The following AGR2 variants were observed in gnomAD, a reference collection of about 807,000 sequenced individuals.
AGR2 encodes the protein anterior gradient 2, protein disulphide isomerase family member.
In AGR2, 27 loss-of-function variants were observed where a neutral mutation model predicts 25.9. That is an observed-to-expected ratio of 1.04 (90% confidence interval 0.77 to 1.44). The LOEUF (loss-of-function observed/expected upper bound fraction) is 1.44. AGR2 is among the 40% of genes most tolerant of loss of function. The pLI, the probability that AGR2 is intolerant of heterozygous loss-of-function variation, is 0.00. For synonymous variants in AGR2, 78 were observed against 72.0 expected (o/e 1.08, Z -0.42); for missense variants, 182 against 200.9 (o/e 0.91, Z 0.57).
intron 7 of AGR2, among the ~76,000 whole-genome samples, chr7:16,793,720 AG>A (rs1167842588): frequency 2.0e-5 from 3 of 152,212 alleles, no homozygotes. Flanking sequence ...AGGCAGAGAG[AG>A]GCTGAGTAGC....
chr7:16,800,296 A>G (rs1260543668), intron 4 of AGR2, among the ~76,000 whole-genome samples: 1 of 152,216 alleles, frequency 6.6e-6, no homozygotes, highest in African/African-American at 2.4e-5. Flanking sequence ...CTAACGTTGA[A>G]GTGAGGGAGT....
chr7:16,796,343 A>G (rs914089309), intron 6 of AGR2, among the ~76,000 whole-genome samples: 3 of 152,238 alleles, frequency 2.0e-5, no homozygotes, highest in Admixed American at 6.5e-5. Flanking sequence ...TTTTAATGTT[A>G]GGATTCCAAA....
rs548410197 is a variant in AGR2 at position 16,793,972 on chromosome 7, C to A, written c.478+964G>T. Among the ~76,000 whole-genome samples the A allele has an allele frequency of 5.3e-5, 8 of 152,286 alleles. No individual in the cohort carries two copies. In the East Asian group the frequency reaches 1.5e-3, roughly 29 times the overall value. On this transcript the variant is annotated intron_variant, in intron 7 of 7. Coordinates refer to ENST00000419304, the MANE Select transcript of AGR2 (RefSeq NM_006408.4). ...GTGTAGGACACGTGCCTTTTAAGAG[C>A]TTAGTCTTATTAAAATGTATGGTAT...
chr7:16,797,830 C>G, intron 5 of AGR2, 136 bp from the exon 6 acceptor site: 2 of 641,706 alleles, frequency 3.1e-6, no homozygotes, highest in Non-Finnish European at 2.7e-6. Context: ...GTTTATTGTA[C>G]AGATGAGGAG....
intron 7 of AGR2, 63 bp from the exon 8 acceptor site, chr7:16,793,020 C>G: frequency 1.4e-6 from 2 of 1,466,950 alleles, no homozygotes; most frequent in Non-Finnish European, 1.9e-6. Context: ...TATAATAAAC[C>G]CCAAACTTGG....
intron 7 of AGR2, 63 bp downstream of exon 7, chr7:16,794,873 C>T (rs1345954401): frequency 2.5e-6 from 4 of 1,609,866 alleles, no homozygotes; most frequent in Non-Finnish European, 3.4e-6. Flanking sequence ...CCTCTAGTCC[C>T]ATCACTACAG....
intron 5 of AGR2, 49 bp from the exon 6 acceptor site, chr7:16,797,743 G>T (rs375233889): frequency 1.3e-6 from 2 of 1,516,756 alleles, no homozygotes; most frequent in East Asian, 4.5e-5. Context: ...CTTTTCAGTC[G>T]TTTTCAAACT....
intron 6 of AGR2, among the ~76,000 whole-genome samples, chr7:16,795,885 A>G (rs1387724269): frequency 6.6e-6 from 1 of 152,266 alleles, no homozygotes; most frequent in Non-Finnish European, 1.5e-5. Flanking sequence ...GACTAAGGCC[A>G]GACACATAAA....
At chr7:16,796,642 A>G (rs1222160933) in intron 6 of AGR2, among the ~76,000 whole-genome samples, 2 of 152,062 alleles carry the variant, frequency 1.3e-5, no homozygotes, top group South Asian at 2.1e-4. Flanking sequence ...CGTTGGGAAT[A>G]TCATGGTGAG....
chr7:16,792,727 A>G lies in AGR2; in HGVS notation c.*181T>C. The G allele has an allele frequency of 1.6e-6, 1 of 619,088 alleles. No individual in the cohort carries two copies. 38.3% of individuals were successfully genotyped at this position (619,088 alleles called of 1,614,324 possible). ...TGGTAGTATACAATATTGTTTTCAC[A>G]CATGTACACTTGAAACCAAATTTCT... On this transcript the variant is annotated 3_prime_UTR_variant, in exon 8 of 8. Transcript: ENST00000419304.
intron 1 of AGR2, among the ~76,000 whole-genome samples, chr7:16,802,879 C>A (rs1380381768): frequency 1.3e-5 from 2 of 152,160 alleles, no homozygotes; most frequent in African/African-American, 2.4e-5. Context: ...GTTGCCCAGG[C>A]TGGAGTACAG....
At chr7:16,802,334 G>A (rs1562528387) in intron 1 of AGR2, among the ~76,000 whole-genome samples, 1 of 152,062 alleles carries the variant, frequency 6.6e-6, no homozygotes, top group Admixed American at 6.6e-5. Flanking sequence ...GCGGTTTCAG[G>A]CATCCACTGA....
In AGR2 at chr7:16,792,842, C is replaced by T. The variant is rs1784984953; in HGVS notation, c.*66G>A. 1.4e-6 allele frequency: 2 copies of T among 1,392,216 alleles called. No individual in the cohort carries two copies. The highest frequency in any genetic ancestry group is 2.0e-6 in the Non-Finnish European group (2 of 977,910). The allele number at this position is 1,392,216 out of a possible 1,614,324, so 86.2% of individuals were successfully genotyped here. ...CTATGCTTCCACACTAGCCAGTCTT[C>T]TCACACTTCTTCTGGTTTCAAGTCT... On this transcript the variant is annotated 3_prime_UTR_variant, in exon 8 of 8. Transcript: ENST00000419304.
intron 5 of AGR2, 179 bp downstream of exon 5, chr7:16,799,565 A>G (rs1785107176): frequency 1.9e-6 from 1 of 533,958 alleles, no homozygotes; most frequent in Non-Finnish European, 3.3e-6. Context: ...ATAAAAACAG[A>G]CACACCAAAT....
intron 7 of AGR2, among the ~76,000 whole-genome samples, chr7:16,794,229 T>A (rs1358129751): frequency 1.0e-5 from 1 of 98,328 alleles, no homozygotes; most frequent in Non-Finnish European, 2.4e-5. Context: ...ACTGAAGGAA[T>A]GAATTTCTAA....
intron 1 of AGR2, among the ~76,000 whole-genome samples, chr7:16,803,908 T>C (rs1785191210): frequency 6.6e-6 from 1 of 151,212 alleles, no homozygotes; most frequent in African/African-American, 2.5e-5. Context: ...TTATCTTTTA[T>C]TTATAACAGC....
rs751908131 is a variant in AGR2 at position 16,801,337 on chromosome 7, T to C, written c.186A>G (p.Leu62=). The C allele has an allele frequency of 9.9e-6, 16 of 1,613,798 alleles. No individual in the cohort carries two copies. In the South Asian group the frequency reaches 1.8e-4, roughly 18 times the overall value. ...ATCTTTACCTTGTCTTGGATTTATA[T>C]AGAGCTTCTTCATATGTCTGAGTCC... ...LIWTQTYEEA[L]YKSKTSNKPL... is the part of the protein sequence containing the mutation. Residue 62 remains leucine (L), a synonymous_variant, in exon 3 of 8, where the codon CTA becomes CTG. Transcript: ENST00000419304.
At chr7:16,800,089 CTGTACTAGGGAT>C (rs549116649) in intron 4 of AGR2, among the ~76,000 whole-genome samples, 223 of 152,224 alleles carry the variant, frequency 1.5e-3, no homozygotes, top group Middle Eastern at 3.4e-3. Flanking sequence ...GCACTGTGTT[CTGTACTAGGGAT>C]GGTGCAGTGA....
intron 5 of AGR2, among the ~76,000 whole-genome samples, chr7:16,798,285 A>G (rs73073549): frequency 4.6e-5 from 7 of 152,326 alleles, no homozygotes; most frequent in Admixed American, 1.3e-4. Flanking sequence ...GAAGTGGATA[A>G]GGAGGAATCT....
Sources: gnomAD v4.1 joint callset for allele counts (sites outside exome capture counted in the v4.1 genomes callset) on GRCh38, gnomAD v4.1.1 for gene constraint, MANE v1.5 for transcripts, NCBI Gene and HGNC (gene_info 2026-07-23, HGNC 2026-07-21) for gene names.